The following DMRT1 variants were observed in gnomAD, a reference collection of about 807,000 sequenced individuals.
DMRT1 encodes doublesex- and mab-3-related transcription factor 1.
Under a neutral mutation model 32.3 loss-of-function variants are expected in DMRT1, and 7 were observed. The ratio of observed to expected loss-of-function variants is 0.22; its 90% CI spans 0.12 to 0.41. DMRT1 has a LOEUF of 0.41. DMRT1 is among the 10% of genes least tolerant of loss of function. The pLI is 1.00. For synonymous variants in DMRT1, 278 were observed against 206.1 expected (o/e 1.35, Z -2.99); for missense variants, 625 against 500.5 (o/e 1.25, Z -2.37).
intron 2 of DMRT1, among the ~76,000 whole-genome samples, chr9:875,460 A>G (rs1278497076): frequency 6.6e-6 from 1 of 152,206 alleles, no homozygotes; most frequent in African/African-American, 2.4e-5. Context: ...ACTGTCACAT[A>G]GTTTTTGATA....
chr9:915,850 A>G (rs1818162004), intron 3 of DMRT1, among the ~76,000 whole-genome samples: 1 of 151,830 alleles, frequency 6.6e-6, no homozygotes, highest in Non-Finnish European at 1.5e-5. Context: ...CTCCTGCCTC[A>G]GCCTCCCAAG....
chr9:935,144 A>G (rs183857190), intron 4 of DMRT1, among the ~76,000 whole-genome samples: 1 of 152,320 alleles, frequency 6.6e-6, no homozygotes, highest in East Asian at 1.9e-4. Context: ...TTTCTAATTG[A>G]AAGTGACTAA....
chr9:920,714 C>G (rs959561815), intron 4 of DMRT1, among the ~76,000 whole-genome samples: 1 of 152,136 alleles, frequency 6.6e-6, no homozygotes, highest in Non-Finnish European at 1.5e-5. Context: ...CGCTTGTATG[C>G]TGATGAGGGC....
chr9:885,148 G>C (rs1489502338), intron 2 of DMRT1, among the ~76,000 whole-genome samples: 1 of 152,198 alleles, frequency 6.6e-6, no homozygotes, highest in Non-Finnish European at 1.5e-5. Flanking sequence ...AGGCCGTGGG[G>C]CTCCGACCCC....
At chr9:844,230 GT>G (rs1838808366) in intron 1 of DMRT1, among the ~76,000 whole-genome samples, 1 of 152,192 alleles carries the variant, frequency 6.6e-6, no homozygotes, top group Non-Finnish European at 1.5e-5. Flanking sequence ...ACACCAGAAG[GT>G]GTGTACTGTG....
rs79852967 is a variant in DMRT1 at position 941,085 on chromosome 9, G to A, written c.967+24178G>A. 4.5e-3 allele frequency among the ~76,000 whole-genome samples: 688 copies of A among 152,314 alleles called. 2 individuals are homozygous for A. Among genetic ancestry groups the A allele is most frequent in the African/African-American group, 0.016 (649 of 41,574 alleles). On this transcript the variant is annotated intron_variant, in intron 4 of 4. Transcript: ENST00000382276. ...ACCCTTGGGCACTATTGGTGGGAATGTGAAGTGCTATAGCCTTTATGCAAA... is the reference window on the plus strand; with the variant it reads ...ACCCTTGGGCACTATTGGTGGGAATATGAAGTGCTATAGCCTTTATGCAAA...
chr9:846,761 G>T (rs75320672), intron 1 of DMRT1, among the ~76,000 whole-genome samples, 199 bp from the exon 2 acceptor site: 1,611 of 152,198 alleles, frequency 0.011, 23 homozygotes, highest in African/African-American at 0.036. Flanking sequence ...CATTTTTTGA[G>T]CACCTACTGT....
At chr9:870,732 G>C (rs1174760056) in intron 2 of DMRT1, among the ~76,000 whole-genome samples, 1 of 33,434 alleles carries the variant, frequency 3.0e-5, no homozygotes, top group African/African-American at 1.6e-4. Flanking sequence ...TTTTTTTTGA[G>C]ACAGGGTCTT....
At chr9:863,307 G>C (rs1460063234) in intron 2 of DMRT1, among the ~76,000 whole-genome samples, 2 of 137,432 alleles carry the variant, frequency 1.5e-5, no homozygotes, top group Admixed American at 1.5e-4. Flanking sequence ...GACAGAGTGA[G>C]GCCACGTCTC....
At chr9:926,160 A>G (rs1231721768) in intron 4 of DMRT1, among the ~76,000 whole-genome samples, 2 of 79,494 alleles carry the variant, frequency 2.5e-5, no homozygotes, top group Non-Finnish European at 5.3e-5. Flanking sequence ...ACCCTTCGGC[A>G]TATCAGGTGT....
intron 4 of DMRT1, among the ~76,000 whole-genome samples, chr9:931,466 C>G (rs955917286): frequency 6.6e-6 from 1 of 152,164 alleles, no homozygotes; most frequent in Non-Finnish European, 1.5e-5. Flanking sequence ...TGTGCTAATA[C>G]TATTTCTATT....
At chr9:899,698 GT>G (rs1434461977) in intron 3 of DMRT1, among the ~76,000 whole-genome samples, 1 of 152,176 alleles carries the variant, frequency 6.6e-6, no homozygotes, top group African/African-American at 2.4e-5. Context: ...TTATTGCCTT[GT>G]GCACTCCTCC....
chr9:863,430 T>C (rs1402873649), intron 2 of DMRT1, among the ~76,000 whole-genome samples: 1 of 151,874 alleles, frequency 6.6e-6, no homozygotes, highest in African/African-American at 2.4e-5. Flanking sequence ...GACAGAGACT[T>C]GACCTGCTAT....
intron 2 of DMRT1, among the ~76,000 whole-genome samples, chr9:867,038 A>G (rs986966031): frequency 6.6e-6 from 1 of 152,198 alleles, no homozygotes; most frequent in Non-Finnish European, 1.5e-5. Context: ...AAGGGCAACA[A>G]AAATGATGTA....
intron 3 of DMRT1, among the ~76,000 whole-genome samples, chr9:899,358 A>C (rs1184147229): frequency 6.6e-6 from 1 of 152,178 alleles, no homozygotes; most frequent in Non-Finnish European, 1.5e-5. Flanking sequence ...GACTTCCTGC[A>C]AGCCTCCCTA....
intron 4 of DMRT1, among the ~76,000 whole-genome samples, chr9:963,892 A>G (rs1319782871): frequency 1.3e-5 from 2 of 152,252 alleles, no homozygotes; most frequent in Admixed American, 6.5e-5. Flanking sequence ...TCTTATGCCT[A>G]CAAAGTCTAG....
At chr9:906,754 A>G (rs994817359) in intron 3 of DMRT1, among the ~76,000 whole-genome samples, 2 of 152,232 alleles carry the variant, frequency 1.3e-5, no homozygotes, top group African/African-American at 2.4e-5. Flanking sequence ...GAGTTGTTAA[A>G]AGCTAAAGGC....
At chr9:861,060 T>C (rs1815639501) in intron 2 of DMRT1, among the ~76,000 whole-genome samples, 1 of 151,038 alleles carries the variant, frequency 6.6e-6, no homozygotes, top group Non-Finnish European at 1.5e-5. Context: ...CTTTTTTTTT[T>C]TTTTTTTTTT....
intron 1 of DMRT1, among the ~76,000 whole-genome samples, chr9:844,300 G>C (rs1838810172): frequency 6.6e-6 from 1 of 152,150 alleles, no homozygotes. Flanking sequence ...TAAATAGTTT[G>C]AAATTGATCT....
Sources: allele counts gnomAD v4.1 joint callset (sites outside exome capture counted in the v4.1 genomes callset), GRCh38; gene constraint gnomAD v4.1.1; transcripts MANE v1.5; gene names NCBI Gene and HGNC (gene_info 2026-07-23, HGNC 2026-07-21).